Variants in SPOCK1 observed in about 807,000 individuals in gnomAD.
SPOCK1 encodes the protein SPARC (osteonectin), cwcv and kazal like domains proteoglycan 1.
In SPOCK1, 23 loss-of-function variants were observed where a neutral mutation model predicts 55.3. The observed-to-expected ratio is 0.42, with a 90% CI of 0.30 to 0.59. The LOEUF is 0.59. Ranked by LOEUF, SPOCK1 falls within the 20% of genes least tolerant of loss-of-function variation. SPOCK1 has a pLI of 0.22. For missense variants in SPOCK1, 499 were observed against 552.5 expected (o/e 0.90, Z 0.97); for synonymous variants, 226 against 221.0 (o/e 1.02, Z -0.20).
intron 3 of SPOCK1, among the ~76,000 whole-genome samples, chr5:137,235,425 T>G (rs1455402914): frequency 6.6e-6 from 1 of 152,208 alleles, no homozygotes; most frequent in Non-Finnish European, 1.5e-5. Context: ...CGCAAAACCT[T>G]AACGCCTTAT....
At chr5:137,150,004 T>C (rs758240161) in intron 3 of SPOCK1, among the ~76,000 whole-genome samples, 1 of 152,330 alleles carries the variant, frequency 6.6e-6, no homozygotes, top group Non-Finnish European at 1.5e-5. Context: ...GCACAGTTCA[T>C]GCTCATTTAT....
intron 6 of SPOCK1, among the ~76,000 whole-genome samples, chr5:137,041,351 G>A (rs1162084101): frequency 6.6e-6 from 1 of 152,188 alleles, no homozygotes; most frequent in African/African-American, 2.4e-5. Flanking sequence ...AGGTCTAACT[G>A]TAAATTACTA....
intron 2 of SPOCK1, among the ~76,000 whole-genome samples, chr5:137,351,631 C>A (rs1168425425): frequency 6.6e-6 from 1 of 152,218 alleles, no homozygotes; most frequent in Non-Finnish European, 1.5e-5. Context: ...GGCCTGACAT[C>A]CAGTGCTGTA....
intron 5 of SPOCK1, among the ~76,000 whole-genome samples, chr5:137,108,296 G>T (rs1252256745): frequency 6.6e-6 from 1 of 152,206 alleles, no homozygotes; most frequent in Non-Finnish European, 1.5e-5. Flanking sequence ...TGCCACAGGG[G>T]TCTAGAATTG....
chr5:137,135,061 G>A (rs1423955038), intron 4 of SPOCK1, among the ~76,000 whole-genome samples: 1 of 152,194 alleles, frequency 6.6e-6, no homozygotes, highest in Non-Finnish European at 1.5e-5. Flanking sequence ...GTCGGGCCAT[G>A]TCTGCTCCTT....
intron 2 of SPOCK1, among the ~76,000 whole-genome samples, chr5:137,318,375 TAAAA>T: frequency 6.6e-6 from 1 of 152,216 alleles, no homozygotes; most frequent in Admixed American, 6.5e-5. Flanking sequence ...CCTTAAATAA[TAAAA>T]AAAGCATGGC....
intron 2 of SPOCK1, among the ~76,000 whole-genome samples, chr5:137,467,708 G>A (rs1017454395): frequency 6.6e-6 from 1 of 152,160 alleles, no homozygotes. Flanking sequence ...CAGGTAAAGG[G>A]CAGGGCCGGT....
chr5:137,464,943 A>G (rs1174446095), intron 2 of SPOCK1, among the ~76,000 whole-genome samples: 1 of 152,178 alleles, frequency 6.6e-6, no homozygotes, highest in East Asian at 1.9e-4. Context: ...GAGAATCACC[A>G]ATATTTAAAG....
chr5:137,129,010 T>G (rs934693127), intron 4 of SPOCK1, among the ~76,000 whole-genome samples: 1 of 152,194 alleles, frequency 6.6e-6, no homozygotes, highest in Non-Finnish European at 1.5e-5. Flanking sequence ...AGAACAAGAA[T>G]TTAAGGAAAT....
chr5:137,477,010 G>A (rs1753850339), intron 2 of SPOCK1, among the ~76,000 whole-genome samples: 1 of 152,154 alleles, frequency 6.6e-6, no homozygotes, highest in African/African-American at 2.4e-5. Flanking sequence ...TAATAAAGAT[G>A]AACAAAGATT....
At chr5:137,285,804 G>A (rs373402429) in intron 2 of SPOCK1, among the ~76,000 whole-genome samples, 2 of 152,162 alleles carry the variant, frequency 1.3e-5, no homozygotes, top group Non-Finnish European at 2.9e-5. Flanking sequence ...TTTGTAAGAG[G>A]GGAGAATACC....
intron 2 of SPOCK1, among the ~76,000 whole-genome samples, chr5:137,393,427 A>G (rs1228110702): frequency 2.0e-5 from 3 of 152,238 alleles, no homozygotes; most frequent in Non-Finnish European, 4.4e-5. Context: ...GCATCAGCTG[A>G]CAGCCAGTGG....
chr5:137,421,874 T>C (rs1752506308), intron 2 of SPOCK1, among the ~76,000 whole-genome samples: 1 of 152,244 alleles, frequency 6.6e-6, no homozygotes, highest in African/African-American at 2.4e-5. Context: ...CGTTAGTTGA[T>C]GCAGTTTCTT....
rs1452509647 is a variant in SPOCK1 at position 137,231,569 on chromosome 5, C to A, written c.232+35441G>T. On this transcript the variant is annotated intron_variant, in intron 3 of 10. Transcript: ENST00000394945. ...CAGGATGTTGCATGTATCAGCAGTG[C>A]ATTCCTTTATTATTGCAAAGTACTA... Among the ~76,000 whole-genome samples, 3 of 152,208 alleles carry A rather than the reference C, an allele frequency of 2.0e-5. No individual in the cohort carries two copies. The East Asian group carries it at 5.8e-4, about 29-fold the overall frequency.
chr5:137,443,080 T>C (rs1435240677), intron 2 of SPOCK1, among the ~76,000 whole-genome samples: 1 of 151,704 alleles, frequency 6.6e-6, no homozygotes, highest in East Asian at 1.9e-4. Flanking sequence ...TCCCATGGGG[T>C]GGAAAAGAAC....
chr5:137,124,824 T>C (rs1753757455), intron 4 of SPOCK1, among the ~76,000 whole-genome samples: 1 of 152,086 alleles, frequency 6.6e-6, no homozygotes, highest in Non-Finnish European at 1.5e-5. Context: ...GTGTAGTCAC[T>C]TTGCACAAAG....
chr5:137,347,368 T>A (rs898442993), intron 2 of SPOCK1, among the ~76,000 whole-genome samples: 1 of 152,156 alleles, frequency 6.6e-6, no homozygotes, highest in Non-Finnish European at 1.5e-5. Context: ...CTGCCTGGAA[T>A]GTGAGATCTC....
intron 2 of SPOCK1, among the ~76,000 whole-genome samples, chr5:137,441,603 T>C (rs1753009640): frequency 6.6e-6 from 1 of 152,152 alleles, no homozygotes; most frequent in South Asian, 2.1e-4. Flanking sequence ...TGGCAGAGCT[T>C]TGTAATCACT....
intron 3 of SPOCK1, among the ~76,000 whole-genome samples, chr5:137,253,783 G>T (rs748800500): frequency 7.2e-5 from 11 of 152,140 alleles, no homozygotes; most frequent in Non-Finnish European, 1.3e-4. Flanking sequence ...CTACCCTATG[G>T]AACCAAATAG....
Sources: gnomAD v4.1 joint callset for allele counts (sites outside exome capture counted in the v4.1 genomes callset) on GRCh38, gnomAD v4.1.1 for gene constraint, MANE v1.5 for transcripts, NCBI Gene and HGNC (gene_info 2026-07-23, HGNC 2026-07-21) for gene names.